Variants in BECN1 observed in about 807,000 individuals in gnomAD.
The protein encoded by BECN1 is beclin 1.
BECN1 carries 15 observed loss-of-function variants against 60.1 expected under a neutral mutation model. That is an observed-to-expected ratio of 0.25 (90% confidence interval 0.17 to 0.38). The LOEUF (loss-of-function observed/expected upper bound fraction) is 0.38. Among genes scored for constraint, BECN1 ranks in the 10% least tolerant of loss-of-function variants. The probability of loss-of-function intolerance (pLI) is 1.00; values close to 1 mark genes in which losing one functional copy is unlikely to be tolerated. For synonymous variants in BECN1, 179 were observed against 201.8 expected, an observed-to-expected ratio of 0.89 and a Z score of 0.96; for missense variants, 424 against 548.2, an observed-to-expected ratio of 0.77 and a Z score of 2.26.
chr17:42,818,448 G>A lies in BECN1; in HGVS notation c.489-33C>T, dbSNP rs116514457. 4.8e-3 allele frequency: 7,814 copies of A among 1,612,782 alleles called. 353 individuals are homozygous for A. In the African/African-American group the frequency reaches 0.091, roughly 19 times the overall value. On this transcript the variant is annotated intron_variant, in intron 6 of 11. Transcript: ENST00000590099. ...AGACACAGGCAGACTATACTTACTA[G>A]AGCTCCATTTGCCTGAGTGGAGTAC... is the stretch of plus-strand genomic sequence containing the variant.
Position 42,818,534 on chromosome 17 carries a change from A to G in BECN1, c.488+10T>C, listed in dbSNP as rs771144052. ...TAACAGCTCTGAGCCCTGGCTCTGGAGACACTCACTTGTAGTTCTGACACT... is the reference window on the plus strand; with the variant it reads ...TAACAGCTCTGAGCCCTGGCTCTGGGGACACTCACTTGTAGTTCTGACACT... On this transcript the variant is annotated intron_variant, in intron 6 of 11. Coordinates refer to ENST00000590099, the MANE Select transcript of BECN1 (RefSeq NM_001313998.2). 1.2e-6 allele frequency: 2 copies of G among 1,614,010 alleles called. No individual in the cohort carries two copies. Among genetic ancestry groups the G allele is most frequent in the South Asian group, 1.1e-5 (1 of 91,072 alleles).
At chr17:42,811,043 G>A (rs1264869450) in intron 11 of BECN1, 115 bp from the exon 12 acceptor site, 3 of 1,109,480 alleles carry the variant, frequency 2.7e-6, no homozygotes, top group Non-Finnish European at 3.7e-6. Context: ...AGAACACTTG[G>A]TGAGGAATGA....
At chr17:42,811,462 C>T in intron 11 of BECN1, 193 bp downstream of exon 11, 2 of 570,458 alleles carry the variant, frequency 3.5e-6, no homozygotes, top group East Asian at 3.2e-5. Flanking sequence ...CATTCTTCTA[C>T]TCCAAGGACT....
At chr17:42,813,172 A>G (rs1760498849) in intron 10 of BECN1, among the ~76,000 whole-genome samples, 1 of 151,636 alleles carries the variant, frequency 6.6e-6, no homozygotes, top group Non-Finnish European at 1.5e-5. Context: ...CAATGTATAC[A>G]AGCTTTGTTT....
Position 42,823,792 on chromosome 17 carries a change from G to C in BECN1, c.86C>G (p.Thr29Arg), listed in dbSNP as rs777590770. ...QRCSQPLKLD[T>R]SFKILDRVTI... The stretch of plus-strand genomic sequence containing the variant: ...GACACGGTCCAGGATCTTGAAACTC[G>C]TGTCCAGTTTCAGGGGCTGGCTGCA... The change falls in exon 2 of 12, where the codon ACG becomes AGG. Residue 29 changes from threonine (T) to arginine (R), a missense_variant. By Grantham distance (71) the Thr-to-Arg change is moderately conservative. This residue lies in a region of BECN1 where 96 missense variants were observed against 125.6 expected (regional missense o/e 0.76). Coordinates refer to ENST00000590099, the MANE Select transcript of BECN1 (RefSeq NM_001313998.2). 15 of 1,613,952 alleles carry C rather than the reference G, an allele frequency of 9.3e-6. No homozygotes were observed. The South Asian group carries it at 1.2e-4, about 13-fold the overall frequency.
chr17:42,815,111 C>T (rs993883426), intron 8 of BECN1: 1 of 166,164 alleles, frequency 6.0e-6, no homozygotes, highest in Admixed American at 5.9e-5. Flanking sequence ...TACGTCACTT[C>T]CCTAGCTAAA....
intron 11 of BECN1, chr17:42,811,344 A>C (rs907096980): frequency 2.0e-5 from 6 of 303,854 alleles, no homozygotes; most frequent in African/African-American, 1.3e-4. Flanking sequence ...GAAAAATCAA[A>C]AGAAGCATTC....
rs573872340 is a variant in BECN1, at chr17:42,811,078, A to C, written c.1185-150T>G. On this transcript the variant is annotated intron_variant, in intron 11 of 11. Transcript: ENST00000590099. ...ATAGTGTATTTTGGATTTGCTTGAA[A>C]GCCAAAAATCAAGAAGACTGTCACA... The C allele has an allele frequency of 2.9e-5, 23 of 802,984 alleles. No individual in the cohort carries two copies. In the South Asian group the frequency reaches 5.0e-4, roughly 18 times the overall value. 49.7% of individuals were successfully genotyped at this position (802,984 alleles called of 1,614,324 possible).
At chr17:42,820,951 T>G (rs2055251182) in intron 2 of BECN1, 110 bp from the exon 3 acceptor site, 1 of 958,046 alleles carries the variant, frequency 1.0e-6, no homozygotes, top group Non-Finnish European at 1.6e-6. Context: ...TCACCTCCAA[T>G]TTTTCTTAAA....
chr17:42,823,686 T>C (rs762935792), intron 2 of BECN1, 62 bp downstream of exon 2: 41 of 1,579,160 alleles, frequency 2.6e-5, no homozygotes, highest in Non-Finnish European at 1.7e-5. Context: ...ATAAGAATTA[T>C]ATCACCAAAG....
In BECN1 at chr17:42,815,931, G is replaced by A. The variant is rs767889195; in HGVS notation, c.807C>T (p.Val269=). The change falls in exon 8 of 12, where the codon GTC becomes GTT. Residue 269 remains valine, a synonymous_variant. Coordinates refer to ENST00000590099, the MANE Select transcript of BECN1 (RefSeq NM_001313998.2). ...TQLDKLKKTN[V]FNATFHIWHS... ...ACCAGATGTGGAAGGTTGCATTAAA[G>A]ACGTTGGTTTTCTTCAGCTTATCCA... 8 of 1,614,226 alleles carry A rather than the reference G, an allele frequency of 5.0e-6. No homozygotes were observed. Among genetic ancestry groups the A allele is most frequent in the Admixed American group, 3.3e-5 (2 of 60,024 alleles).
chr17:42,816,121 C>T lies in BECN1; in HGVS notation c.684-67G>A, dbSNP rs980689793. On this transcript the variant is annotated intron_variant, in intron 7 of 11. Transcript: ENST00000590099. ...GGGCTAAAGTTTCTCTCTCACCACA[C>T]TATGAACGATTCTTTAGTGATCATC... 6 of 1,453,818 alleles carry T rather than the reference C, an allele frequency of 4.1e-6. No individual in the cohort carries two copies. In the African/African-American group the frequency reaches 7.1e-5, roughly 17 times the overall value. 90.1% of individuals were successfully genotyped at this position (1,453,818 alleles called of 1,614,324 possible). A position where few individuals can be genotyped will look rare whatever the true frequency, so the allele number is the denominator to read the frequency against.
chr17:42,814,695 T>TG (rs747127691), intron 8 of BECN1, 22 bp from the exon 9 acceptor site: 1 of 1,613,484 alleles, frequency 6.2e-7, no homozygotes, highest in Non-Finnish European at 8.5e-7. Flanking sequence ...GGCAGAAAGG[T>TG]GGGGGGAAAT....
At chr17:42,813,016 T>G (rs2055062080) in intron 10 of BECN1, 1 of 147,698 alleles carries the variant, frequency 6.8e-6, no homozygotes, top group South Asian at 2.2e-4. Context: ...TTTTTTTTTT[T>G]TGTATTTTTA....
intron 2 of BECN1, among the ~76,000 whole-genome samples, chr17:42,822,709 A>G (rs950178966): frequency 6.6e-6 from 1 of 151,468 alleles, no homozygotes; most frequent in Non-Finnish European, 1.5e-5. Context: ...CTTTTTAATT[A>G]ATTTATTTTT....
intron 2 of BECN1, among the ~76,000 whole-genome samples, chr17:42,822,601 T>C (rs976133369): frequency 6.6e-6 from 1 of 152,194 alleles, no homozygotes; most frequent in Non-Finnish European, 1.5e-5. Flanking sequence ...AGGGTCTTAC[T>C]GTGTTGCCCA....
At chr17:42,814,932 T>G (rs2055114788) in intron 8 of BECN1, 1 of 496,596 alleles carries the variant, frequency 2.0e-6, no homozygotes, top group Non-Finnish European at 3.6e-6. Flanking sequence ...CTCTCCTGAT[T>G]CTACCTGCTA....
chr17:42,816,160 C>T (rs756928013), intron 7 of BECN1, 106 bp from the exon 8 acceptor site: 218 of 1,213,490 alleles, frequency 1.8e-4, no homozygotes, highest in Non-Finnish European at 2.3e-4. Context: ...ACATCTAGCT[C>T]TCGCATCTTT....
At chr17:42,811,341 CA>C in intron 11 of BECN1, 1 of 299,862 alleles carries the variant, frequency 3.3e-6, no homozygotes, top group South Asian at 1.4e-4. Flanking sequence ...CTAGAAAAAT[CA>C]AAAGAAGCAT....
Sources: gnomAD v4.1 joint callset for allele counts (sites outside exome capture counted in the v4.1 genomes callset) on GRCh38, gnomAD v4.1.1 for gene constraint, gnomAD v4.1.1 regional missense constraint, MANE v1.5 for transcripts, NCBI Gene and HGNC (gene_info 2026-07-23, HGNC 2026-07-21) for gene names.